The following SRRM3 variants were observed in gnomAD, a reference collection of about 807,000 sequenced individuals.
The protein encoded by SRRM3 is serine/arginine repetitive matrix 3.
A neutral mutation model predicts 66.2 loss-of-function variants in SRRM3; 27 were observed. The ratio of observed to expected loss-of-function variants is 0.41; its 90% confidence interval spans 0.30 to 0.56. The LOEUF is 0.56. SRRM3 is among the 20% of genes least tolerant of loss of function. The pLI is 0.32. For missense variants in SRRM3, 918 were observed against 991.9 expected (o/e 0.93, Z 1.00); for synonymous variants, 391 against 414.9 (o/e 0.94, Z 0.70).
chr7:76,267,179 G>C, intron 10 of SRRM3, 79 bp from the exon 11 acceptor site: 1 of 1,308,102 alleles, frequency 7.6e-7, no homozygotes, highest in Non-Finnish European at 1.0e-6. Context: ...GCTGGGGAAG[G>C]GGGAAAGAGG....
chr7:76,267,228 T>C, intron 10 of SRRM3, 30 bp from the exon 11 acceptor site: 2 of 1,490,912 alleles, frequency 1.3e-6, no homozygotes, highest in Admixed American at 5.4e-5. Flanking sequence ...CCACGCCGAC[T>C]CCCCCATTCT....
At chr7:76,204,568 T>C (rs1554600950) in intron 1 of SRRM3, among the ~76,000 whole-genome samples, 1 of 152,076 alleles carries the variant, frequency 6.6e-6, no homozygotes, top group African/African-American at 2.4e-5. Flanking sequence ...CTGCCCCCGA[T>C]TCTCCAGGCT....
chr7:76,224,875 T>TA (rs1800817603), intron 1 of SRRM3, among the ~76,000 whole-genome samples: 1 of 152,008 alleles, frequency 6.6e-6, no homozygotes, highest in Non-Finnish European at 1.5e-5. Flanking sequence ...ACTTCCCGAG[T>TA]AAAAAGCACA....
At chr7:76,236,224 C>T (rs1801149849) in intron 2 of SRRM3, among the ~76,000 whole-genome samples, 2 of 149,046 alleles carry the variant, frequency 1.3e-5, no homozygotes, top group Non-Finnish European at 3.0e-5. Flanking sequence ...GCAGGAGAAT[C>T]GCTTGAACCG....
At position 76,280,116 on chromosome 7, in the gene SRRM3, T is replaced by TA. The variant is rs567656342; in HGVS notation, c.1009-1311dup. Among the ~76,000 whole-genome samples, 1,114 of 118,350 alleles carry TA rather than the reference T, an allele frequency of 9.4e-3. 15 individuals carry two copies. The highest frequency in any genetic ancestry group is 0.056 in the East Asian group (248 of 4,408). 77.6% of individuals were successfully genotyped at this position (118,350 alleles called of 152,430 possible). On this transcript the variant is annotated intron_variant, in intron 11 of 14. Transcript: ENST00000611745. ...CAAGAGGGACTTAAAAATCAGAACTTAAAAAAAAAAAAAAGAAAAAGAAAA... is the reference window on the plus strand; with the variant it reads ...CAAGAGGGACTTAAAAATCAGAACTTAAAAAAAAAAAAAAAGAAAAAGAAAA...
At chr7:76,224,538 G>A (rs1316136156) in intron 1 of SRRM3, among the ~76,000 whole-genome samples, 6 of 152,018 alleles carry the variant, frequency 3.9e-5, no homozygotes, top group African/African-American at 1.4e-4. Context: ...TTCATAACAA[G>A]CCTGTTACCG....
chr7:76,250,955 G>A (rs994465895), intron 3 of SRRM3, among the ~76,000 whole-genome samples: 1 of 152,180 alleles, frequency 6.6e-6, no homozygotes, highest in African/African-American at 2.4e-5. Flanking sequence ...GCTGAGTGAT[G>A]AGCAGAGAGG....
intron 11 of SRRM3, chr7:76,269,237 C>T (rs1802148211): frequency 6.6e-6 from 1 of 152,256 alleles, no homozygotes; most frequent in Admixed American, 6.5e-5. Flanking sequence ...TGGCACAGCC[C>T]TGGGAGTTTT....
chr7:76,222,914 C>A (rs1399005993), intron 1 of SRRM3, among the ~76,000 whole-genome samples: 1 of 152,126 alleles, frequency 6.6e-6, no homozygotes, highest in African/African-American at 2.4e-5. Flanking sequence ...CCGCGCCCAG[C>A]TTCAAGTCCA....
chr7:76,207,699 C>CAATAAATAAATAAATA (rs112873033), intron 1 of SRRM3, among the ~76,000 whole-genome samples: 27 of 151,270 alleles, frequency 1.8e-4, no homozygotes, highest in African/African-American at 4.9e-4. Context: ...CCATCTCTAC[C>CAATAAATAAATAAATA]AATAAATAAA....
In SRRM3 at chr7:76,204,490, A is replaced by C. The variant is rs114544305; in HGVS notation, c.-40+2423A>C. Among the ~76,000 whole-genome samples the C allele has an allele frequency of 8.3e-3, 1,264 of 152,330 alleles. 23 individuals are homozygous for C. Among genetic ancestry groups the C allele is most frequent in the African/African-American group, 0.029 (1,188 of 41,570 alleles). On this transcript the variant is annotated intron_variant, in intron 1 of 14. Transcript: ENST00000611745. ...TGTGATGGGACTTTCCCAAAGTCACAGAGCAAGGTCTTGGTGCAACCCAAC... is the reference window on the plus strand; with the variant it reads ...TGTGATGGGACTTTCCCAAAGTCACCGAGCAAGGTCTTGGTGCAACCCAAC...
chr7:76,242,608 T>C (rs1801336101), intron 2 of SRRM3, among the ~76,000 whole-genome samples: 2 of 152,188 alleles, frequency 1.3e-5, no homozygotes, highest in Admixed American at 1.3e-4. Context: ...CTGTATTATG[T>C]AATGAAATAA....
Position 76,281,819 on chromosome 7 carries a change from C to T in SRRM3, c.1370+17C>T, listed in dbSNP as rs1802519616. The stretch of plus-strand genomic sequence containing the variant: ...CGGGAAACGGTGAGCGTGCTGGACC[C>T]GGAGCTGGACTCCCGCCCCCACCCC... On this transcript the variant is annotated intron_variant, in intron 12 of 14. Coordinates refer to ENST00000611745, the MANE Select transcript of SRRM3 (RefSeq NM_001110199.3). 2 of 1,340,662 alleles carry T rather than the reference C, an allele frequency of 1.5e-6. No individual in the cohort carries two copies. Among genetic ancestry groups the T allele is most frequent in the East Asian group, 3.4e-5 (1 of 29,566 alleles). 83.0% of individuals were successfully genotyped at this position (1,340,662 alleles called of 1,614,324 possible). A position where few individuals can be genotyped will look rare whatever the true frequency, so the allele number is the denominator to read the frequency against.
chr7:76,228,775 T>A (rs1160661660), intron 1 of SRRM3, among the ~76,000 whole-genome samples: 1 of 152,120 alleles, frequency 6.6e-6, no homozygotes, highest in Non-Finnish European at 1.5e-5. Flanking sequence ...TCCTGGTGAT[T>A]CTGATGCCCA....
chr7:76,221,820 G>T (rs184701136), intron 1 of SRRM3, among the ~76,000 whole-genome samples: 2 of 152,250 alleles, frequency 1.3e-5, no homozygotes, highest in Admixed American at 1.3e-4. Context: ...ATTTCCTCCT[G>T]GTCTAACTCA....
chr7:76,284,477 C>G (rs1802608896), intron 14 of SRRM3, among the ~76,000 whole-genome samples: 1 of 152,170 alleles, frequency 6.6e-6, no homozygotes, highest in African/African-American at 2.4e-5. Flanking sequence ...CGCGCCCGAC[C>G]AAATTGTCCT....
At chr7:76,207,086 T>C (rs1583861007) in intron 1 of SRRM3, among the ~76,000 whole-genome samples, 1 of 152,012 alleles carries the variant, frequency 6.6e-6, no homozygotes, top group Admixed American at 6.6e-5. Flanking sequence ...ATTGTAAGAA[T>C]GGCGTATCTT....
intron 1 of SRRM3, among the ~76,000 whole-genome samples, chr7:76,219,949 C>T (rs1314255760): frequency 6.6e-6 from 1 of 152,032 alleles, no homozygotes; most frequent in Non-Finnish European, 1.5e-5. Context: ...AGGCTGGACT[C>T]GAGGGCTTAC....
intron 14 of SRRM3, among the ~76,000 whole-genome samples, chr7:76,284,240 T>TCTCG (rs1156941792): frequency 1.3e-5 from 2 of 150,588 alleles, no homozygotes; most frequent in African/African-American, 4.9e-5. Context: ...AATGGTGCAA[T>TCTCG]CTCGGCTCAC....
Sources: gnomAD v4.1 joint callset for allele counts (sites outside exome capture counted in the v4.1 genomes callset) on GRCh38, gnomAD v4.1.1 for gene constraint, MANE v1.5 for transcripts, NCBI Gene and HGNC (gene_info 2026-07-23, HGNC 2026-07-21) for gene names.